Variants in GAD2 observed in about 807,000 individuals in gnomAD.
The protein encoded by GAD2 is 65 kDa glutamic acid decarboxylase.
In GAD2, 22 loss-of-function variants were observed where a neutral mutation model predicts 80.1. The ratio of observed to expected loss-of-function variants is 0.27; its 90% confidence interval spans 0.20 to 0.39. The LOEUF (loss-of-function observed/expected upper bound fraction) is 0.39. Among genes scored for constraint, GAD2 ranks in the 10% least tolerant of loss-of-function variants. The pLI, the probability that GAD2 is intolerant of heterozygous loss-of-function variation, is 1.00. For synonymous variants in GAD2, 274 were observed against 256.9 expected, an observed-to-expected ratio of 1.07 and a Z score of -0.64; for missense variants, 624 against 738.4, an observed-to-expected ratio of 0.85 and a Z score of 1.80.
intron 15 of GAD2, among the ~76,000 whole-genome samples, chr10:26,295,945 C>G (rs1461203017): frequency 6.6e-6 from 1 of 152,186 alleles, no homozygotes; most frequent in Non-Finnish European, 1.5e-5. Context: ...ACTCAAAAAT[C>G]GTTTGTTGAG....
intron 11 of GAD2, among the ~76,000 whole-genome samples, 183 bp downstream of exon 11, chr10:26,273,883 T>C (rs1845167503): frequency 6.6e-6 from 1 of 152,128 alleles, no homozygotes; most frequent in African/African-American, 2.4e-5. Flanking sequence ...AAATCAAATA[T>C]GTAAATATTA....
At chr10:26,224,788 G>A in intron 6 of GAD2, 137 bp downstream of exon 6, 1 of 631,764 alleles carries the variant, frequency 1.6e-6, no homozygotes, top group South Asian at 2.0e-5. Context: ...AAGAATGACT[G>A]TGATTAAGTG....
intron 8 of GAD2, among the ~76,000 whole-genome samples, chr10:26,261,075 G>C (rs8190699): frequency 0.018 from 2,729 of 152,164 alleles, 71 homozygotes; most frequent in African/African-American, 0.061. Context: ...AGTTCAAAAA[G>C]AAAAAGAAAA....
At chr10:26,227,710 C>G (rs11015003) in intron 6 of GAD2, among the ~76,000 whole-genome samples, 19,136 of 152,144 alleles carry the variant, frequency 0.13, 4,001 homozygotes, top group African/African-American at 0.43. Context: ...CCCAGGTCAG[C>G]CCTCACCAGT....
chr10:26,282,288 G>C (rs1413200772), intron 12 of GAD2, among the ~76,000 whole-genome samples: 2 of 152,034 alleles, frequency 1.3e-5, no homozygotes, highest in Non-Finnish European at 2.9e-5. Context: ...TTTGTTCCTA[G>C]TTATACAGTT....
intron 15 of GAD2, among the ~76,000 whole-genome samples, chr10:26,293,687 T>G (rs928722492): frequency 6.6e-6 from 1 of 152,218 alleles, no homozygotes; most frequent in Non-Finnish European, 1.5e-5. Context: ...ACAACGCTGC[T>G]GCTGACCCTC....
intron 12 of GAD2, among the ~76,000 whole-genome samples, chr10:26,281,344 C>T (rs1845268491): frequency 6.6e-6 from 1 of 152,122 alleles, no homozygotes; most frequent in South Asian, 2.1e-4. Flanking sequence ...TACCCCTTTC[C>T]TCAACTGTTC....
intron 4 of GAD2, among the ~76,000 whole-genome samples, chr10:26,220,409 A>G (rs1330529417): frequency 6.6e-6 from 1 of 152,202 alleles, no homozygotes; most frequent in Non-Finnish European, 1.5e-5. Context: ...TGCTGTGAGA[A>G]GTTTAGTTCT....
chr10:26,226,411 G>T (rs1251332458), intron 6 of GAD2, among the ~76,000 whole-genome samples: 1 of 152,222 alleles, frequency 6.6e-6, no homozygotes, highest in Non-Finnish European at 1.5e-5. Context: ...AGACCCATTT[G>T]CTCTTACGCC....
intron 8 of GAD2, among the ~76,000 whole-genome samples, chr10:26,259,693 A>G (rs767857256): frequency 6.6e-6 from 1 of 152,096 alleles, no homozygotes; most frequent in Non-Finnish European, 1.5e-5. Context: ...TTTGTTGTAC[A>G]AGTTTTTAAT....
At chr10:26,299,914 A>G (rs1471772560) in intron 15 of GAD2, among the ~76,000 whole-genome samples, 1 of 152,190 alleles carries the variant, frequency 6.6e-6, no homozygotes. Flanking sequence ...AGCACAGAGA[A>G]CAAGTATGAC....
intron 7 of GAD2, among the ~76,000 whole-genome samples, chr10:26,238,272 T>A (rs1450277598): frequency 1.3e-5 from 2 of 152,190 alleles, no homozygotes; most frequent in Admixed American, 1.3e-4. Flanking sequence ...TCATTGCACC[T>A]GAGCAAATCA....
rs534546885 is a variant in GAD2, at chr10:26,295,729, A to G, written c.1584+2738A>G. Reference sequence around the variant, plus strand: ...TCAACTTGTGCCCAATGGCTGTTTTATGGGACAGTGCAGATATAGAACATC... The same window carrying G: ...TCAACTTGTGCCCAATGGCTGTTTTGTGGGACAGTGCAGATATAGAACATC... On this transcript the variant is annotated intron_variant, in intron 15 of 15. Transcript: ENST00000376261. Among the ~76,000 whole-genome samples, 94 of 152,184 alleles carry G rather than the reference A, an allele frequency of 6.2e-4. 1 individual carries two copies. Among genetic ancestry groups the G allele is most frequent in the Admixed American group, 2.8e-3 (42 of 15,264 alleles).
chr10:26,287,742 CTCTA>C (rs1845350878), intron 13 of GAD2, among the ~76,000 whole-genome samples: 1 of 152,180 alleles, frequency 6.6e-6, no homozygotes, highest in African/African-American at 2.4e-5. Flanking sequence ...TTTTCCCTGG[CTCTA>C]TCTATCAGGA....
At chr10:26,218,551 T>TCTCTCTCACACACACACACACACACA (rs748110324) in intron 3 of GAD2, among the ~76,000 whole-genome samples, 1 of 118,780 alleles carries the variant, frequency 8.4e-6, no homozygotes, top group African/African-American at 3.1e-5. Context: ...TCTCTCTCTC[T>TCTCTCTCACACACACACACACACACA]CACACACACA....
intron 5 of GAD2, among the ~76,000 whole-genome samples, chr10:26,224,292 A>G (rs1248324712): frequency 2.0e-5 from 3 of 152,204 alleles, no homozygotes; most frequent in Non-Finnish European, 4.4e-5. Flanking sequence ...AATATTTTTT[A>G]TTTATTCAAT....
At chr10:26,243,631 C>T (rs1844770146) in intron 7 of GAD2, among the ~76,000 whole-genome samples, 3 of 152,186 alleles carry the variant, frequency 2.0e-5, no homozygotes, top group Non-Finnish European at 2.9e-5. Flanking sequence ...AAGACTTTGG[C>T]GGTGGCTTGG....
intron 8 of GAD2, among the ~76,000 whole-genome samples, chr10:26,251,683 T>G (rs76349367): frequency 0.1 from 15,448 of 152,330 alleles, 835 homozygotes; most frequent in African/African-American, 0.13. Context: ...ATGATATGAA[T>G]GTTTTTAAGG....
chr10:26,237,067 C>T (rs7084058), intron 7 of GAD2, among the ~76,000 whole-genome samples: 148,453 of 152,290 alleles, frequency 0.97, 72,369 homozygotes, highest in East Asian at 1. Context: ...CTTTATTCCT[C>T]CCTTCCTTTA....
Sources: gnomAD v4.1 joint callset for allele counts (sites outside exome capture counted in the v4.1 genomes callset) on GRCh38, gnomAD v4.1.1 for gene constraint, MANE v1.5 for transcripts, NCBI Gene and HGNC (gene_info 2026-07-23, HGNC 2026-07-21) for gene names.